Variants in DDX60L observed in about 807,000 individuals in gnomAD.
DDX60L encodes the protein DExD/H-box 60 like, also known as probable ATP-dependent RNA helicase DDX60-like.
DDX60L carries 191 observed loss-of-function variants against 211.6 expected under a neutral mutation model. That is an observed-to-expected ratio of 0.90 (90% CI 0.80 to 1.02). The LOEUF is 1.02. DDX60L is among the 50% of genes least tolerant of loss of function. The pLI is 0.00. For missense variants in DDX60L, 2,007 were observed against 1,984.1 expected, an observed-to-expected ratio of 1.01 and a Z score of -0.22; for synonymous variants, 706 against 694.1, an observed-to-expected ratio of 1.02 and a Z score of -0.27.
At chr4:168,403,413 C>G (rs1747180176) in intron 25 of DDX60L, among the ~76,000 whole-genome samples, 1 of 152,152 alleles carries the variant, frequency 6.6e-6, no homozygotes, top group African/African-American at 2.4e-5. Context: ...TTAAAATTCT[C>G]TGGGCTAAAT....
chr4:168,400,128 G>C (rs1343283649), intron 26 of DDX60L, among the ~76,000 whole-genome samples: 1 of 152,102 alleles, frequency 6.6e-6, no homozygotes, highest in East Asian at 1.9e-4. Flanking sequence ...TTGGTTTTCT[G>C]TTCCTGCATT....
intron 36 of DDX60L, among the ~76,000 whole-genome samples, chr4:168,369,174 A>G (rs886771997): frequency 6.6e-6 from 1 of 152,142 alleles, no homozygotes; most frequent in Admixed American, 6.5e-5. Flanking sequence ...TGTAACTCCC[A>G]CAATTCCCAT....
chr4:168,406,159 C>T, intron 23 of DDX60L, 81 bp from the exon 24 acceptor site: 1 of 1,442,640 alleles, frequency 6.9e-7, no homozygotes. Flanking sequence ...TTTAAGTTTA[C>T]TTGTCTCCTT....
At chr4:168,391,840 T>C (rs1744891348) in intron 28 of DDX60L, among the ~76,000 whole-genome samples, 196 bp from the exon 29 acceptor site, 1 of 152,226 alleles carries the variant, frequency 6.6e-6, no homozygotes. Flanking sequence ...GCATCCTAAC[T>C]GTTGCCATTT....
chr4:168,412,769 T>A (rs930849216), intron 22 of DDX60L, among the ~76,000 whole-genome samples: 3 of 152,248 alleles, frequency 2.0e-5, no homozygotes, highest in Admixed American at 6.5e-5. Context: ...GTCTCTGCAG[T>A]GGAGACCACA....
At chr4:168,404,305 G>C (rs1228202409) in intron 24 of DDX60L, among the ~76,000 whole-genome samples, 199 bp from the exon 25 acceptor site, 4 of 151,614 alleles carry the variant, frequency 2.6e-5, no homozygotes, top group African/African-American at 9.7e-5. Context: ...CTAAAGAATA[G>C]ATAATAAAAG....
chr4:168,388,044 T>C (rs1744192159), intron 29 of DDX60L, among the ~76,000 whole-genome samples: 5 of 152,204 alleles, frequency 3.3e-5, no homozygotes, highest in Admixed American at 3.3e-4. Flanking sequence ...TGGACGCACA[T>C]TGTACAGAAG....
intron 33 of DDX60L, among the ~76,000 whole-genome samples, chr4:168,375,775 T>C (rs1741846052): frequency 6.6e-6 from 1 of 152,200 alleles, no homozygotes. Context: ...AATAGAAACA[T>C]GTCCTACACT....
rs541842324 is a variant in DDX60L at position 168,422,604 on chromosome 4, A to C, written c.2164T>G (p.Tyr722Asp). 56 of 1,613,612 alleles carry C rather than the reference A, an allele frequency of 3.5e-5. 1 individual carries two copies. The East Asian group carries it at 1.2e-3, about 33-fold the overall frequency. ...TCTCTTATCAAGTAATGGCCCATGT[A>C]TTGCAGTTGAAACCGAGCTGGTCCA... ...DIGPARFQLQ[Y>D]MGHYLIRDER... The change falls in exon 16 of 38, where the codon TAC becomes GAC. Residue 722 changes from tyrosine to aspartate, a missense_variant. By Grantham distance (160) the Tyr-to-Asp change is radical. Transcript: ENST00000682922.
intron 17 of DDX60L, 83 bp from the exon 18 acceptor site, chr4:168,420,463 T>TACACACACACAC (rs10598232): frequency 1.3e-5 from 6 of 459,554 alleles, no homozygotes; most frequent in African/African-American, 1.2e-4. Context: ...TCCATACACA[T>TACACACACACAC]ACACACACAC....
chr4:168,416,101 C>T (rs3762850), intron 20 of DDX60L, among the ~76,000 whole-genome samples: 7,592 of 152,272 alleles, frequency 0.05, 215 homozygotes, highest in East Asian at 0.12. Flanking sequence ...GTTACCAGTG[C>T]TGCTGTTACT....
At chr4:168,371,128 T>C (rs1740941313) in intron 36 of DDX60L, among the ~76,000 whole-genome samples, 1 of 151,664 alleles carries the variant, frequency 6.6e-6, no homozygotes, top group Non-Finnish European at 1.5e-5. Context: ...TAATATTTTA[T>C]ATACTCCTAG....
intron 22 of DDX60L, among the ~76,000 whole-genome samples, chr4:168,413,966 G>A (rs1749103503): frequency 6.6e-6 from 1 of 152,070 alleles, no homozygotes; most frequent in Non-Finnish European, 1.5e-5. Context: ...CAAGAATAAA[G>A]AAAGGATCCT....
chr4:168,388,269 G>T (rs1197714748), intron 29 of DDX60L, among the ~76,000 whole-genome samples: 2 of 152,182 alleles, frequency 1.3e-5, no homozygotes, highest in African/African-American at 4.8e-5. Flanking sequence ...AAAGGGCTAG[G>T]ATTTCAATCA....
In DDX60L at chr4:168,449,662, AAAAG is replaced by A. The variant is rs1250982897; in HGVS notation, c.997-887_997-884del. ...CAAAAAAAAAAAATGCAAAAAAAAAAAAAGAAAAAAGAAAAAAATTACTAAATGA... is the reference window on the plus strand; with the variant it reads ...CAAAAAAAAAAAATGCAAAAAAAAAAAAAAAAGAAAAAAATTACTAAATGA... On this transcript the variant is annotated intron_variant, in intron 8 of 37. Transcript: ENST00000682922. Among the ~76,000 whole-genome samples, 216 of 83,548 alleles carry A rather than the reference AAAAG, an allele frequency of 2.6e-3. 14 individuals carry two copies. Among genetic ancestry groups the A allele is most frequent in the South Asian group, 0.012 (25 of 2,002 alleles). 54.8% of individuals were successfully genotyped at this position (83,548 alleles called of 152,430 possible). A position where few individuals can be genotyped will look rare whatever the true frequency, so the allele number is the denominator to read the frequency against.
chr4:168,418,683 G>A (rs1749974639), intron 19 of DDX60L, among the ~76,000 whole-genome samples: 1 of 152,172 alleles, frequency 6.6e-6, no homozygotes, highest in South Asian at 2.1e-4. Context: ...TACAAAGCTT[G>A]AATTCTATTT....
At chr4:168,458,061 T>C in intron 5 of DDX60L, 53 bp from the exon 6 acceptor site, 1 of 1,108,476 alleles carries the variant, frequency 9.0e-7, no homozygotes, top group Non-Finnish European at 1.3e-6. Flanking sequence ...ATTTCCCAGC[T>C]GTAAAATATG....
intron 5 of DDX60L, among the ~76,000 whole-genome samples, chr4:168,460,600 C>T (rs1431744201): frequency 6.6e-6 from 1 of 151,958 alleles, no homozygotes; most frequent in African/African-American, 2.4e-5. Flanking sequence ...AGGAAAACCA[C>T]TTCTTTACTT....
intron 27 of DDX60L, 122 bp from the exon 28 acceptor site, chr4:168,394,739 C>A: frequency 2.4e-6 from 2 of 837,860 alleles, no homozygotes; most frequent in East Asian, 2.7e-5. Flanking sequence ...TGAGGCTGCC[C>A]TTTGACCCTG....
Sources: gnomAD v4.1 joint callset for allele counts (sites outside exome capture counted in the v4.1 genomes callset) on GRCh38, gnomAD v4.1.1 for gene constraint, MANE v1.5 for transcripts, NCBI Gene and HGNC (gene_info 2026-07-23, HGNC 2026-07-21) for gene names.